GPC6: variants seen among roughly 807,000 people sequenced by gnomAD.
GPC6 encodes glypican-6.
Under a neutral mutation model 55.2 loss-of-function variants are expected in GPC6, and 14 were observed. That is an observed-to-expected ratio of 0.25 (90% CI 0.17 to 0.40). GPC6 has a LOEUF of 0.40. GPC6 is among the 10% of genes least tolerant of loss of function. The pLI is 1.00. For missense variants in GPC6, 641 were observed against 708.5 expected (o/e 0.90, Z 1.08); for synonymous variants, 278 against 259.6 (o/e 1.07, Z -0.68).
chr13:93,954,946 C>T (rs1039825629), intron 3 of GPC6, among the ~76,000 whole-genome samples: 1 of 152,054 alleles, frequency 6.6e-6, no homozygotes, highest in Non-Finnish European at 1.5e-5. Context: ...TGAGTTGTCC[C>T]CATAACAACC....
intron 6 of GPC6, among the ~76,000 whole-genome samples, chr13:94,333,862 T>C (rs904902563): frequency 3.3e-5 from 5 of 152,162 alleles, no homozygotes; most frequent in African/African-American, 1.2e-4. Context: ...AAATGCATGA[T>C]GGAGAAGCCT....
rs78913724 is a variant in GPC6, at chr13:93,316,304, A to G, written c.160+88688A>G. ...GTCCAGATATACTAATAAAATCGACATTCATGGCTAGTTTTCCTAATGTGT... is the reference window on the plus strand; with the variant it reads ...GTCCAGATATACTAATAAAATCGACGTTCATGGCTAGTTTTCCTAATGTGT... On this transcript the variant is annotated intron_variant, in intron 1 of 8. Transcript: ENST00000377047. 5.5e-3 allele frequency among the ~76,000 whole-genome samples: 836 copies of G among 152,180 alleles called. 6 individuals carry two copies. Among genetic ancestry groups the G allele is most frequent in the Non-Finnish European group, 7.4e-3 (501 of 67,952 alleles).
intron 3 of GPC6, among the ~76,000 whole-genome samples, chr13:93,922,204 T>C (rs1458537661): frequency 6.6e-6 from 1 of 152,138 alleles, no homozygotes; most frequent in Non-Finnish European, 1.5e-5. Flanking sequence ...CTTGGCCCAA[T>C]AAACAAATGC....
At chr13:93,773,874 C>T (rs1885378928) in intron 2 of GPC6, among the ~76,000 whole-genome samples, 1 of 152,196 alleles carries the variant, frequency 6.6e-6, no homozygotes, top group Non-Finnish European at 1.5e-5. Flanking sequence ...AGCAGAGCAA[C>T]TTAAAATCTT....
chr13:93,623,455 CTTTTT>C (rs567830011), intron 2 of GPC6, among the ~76,000 whole-genome samples: 10 of 116,170 alleles, frequency 8.6e-5, no homozygotes, highest in Admixed American at 7.7e-4. Flanking sequence ...CTTTTCTTTT[CTTTTT>C]TTTTTTTTTT....
chr13:94,223,249 G>A (rs1890442039), intron 4 of GPC6, among the ~76,000 whole-genome samples: 1 of 152,054 alleles, frequency 6.6e-6, no homozygotes. Context: ...AGGATATCCT[G>A]TTTTATTAAA....
At chr13:93,758,890 A>G (rs1884867065) in intron 2 of GPC6, among the ~76,000 whole-genome samples, 1 of 152,122 alleles carries the variant, frequency 6.6e-6, no homozygotes, top group African/African-American at 2.4e-5. Flanking sequence ...GGGGCTCTCT[A>G]TGATCTATCT....
At chr13:94,380,286 A>G (rs1228932778) in intron 6 of GPC6, among the ~76,000 whole-genome samples, 1 of 152,212 alleles carries the variant, frequency 6.6e-6, no homozygotes, top group African/African-American at 2.4e-5. Context: ...AATATAAAAC[A>G]TGTATTTCTT....
intron 6 of GPC6, among the ~76,000 whole-genome samples, chr13:94,358,469 T>C (rs1878906482): frequency 6.6e-6 from 1 of 152,064 alleles, no homozygotes; most frequent in South Asian, 2.1e-4. Flanking sequence ...AAAAGATGGA[T>C]ATAAAAAGCT....
chr13:94,084,051 C>T (rs2138801266), intron 4 of GPC6, among the ~76,000 whole-genome samples: 1 of 152,318 alleles, frequency 6.6e-6, no homozygotes, highest in South Asian at 2.1e-4. Flanking sequence ...TTACTATGTA[C>T]TGGCTATAGT....
chr13:93,400,221 A>C (rs1204859440), intron 1 of GPC6, among the ~76,000 whole-genome samples: 1 of 151,158 alleles, frequency 6.6e-6, no homozygotes, highest in Non-Finnish European at 1.5e-5. Context: ...CTTCCTTTTT[A>C]CCGTCTTCCT....
intron 4 of GPC6, among the ~76,000 whole-genome samples, chr13:94,195,484 T>G (rs78968570): frequency 0.02 from 3,018 of 152,308 alleles, 42 homozygotes; most frequent in Non-Finnish European, 0.032. Context: ...AACAGTTGAT[T>G]TTCCTTACAT....
intron 4 of GPC6, among the ~76,000 whole-genome samples, chr13:94,038,364 G>C (rs1883413482): frequency 6.6e-6 from 1 of 151,768 alleles, no homozygotes; most frequent in African/African-American, 2.4e-5. Flanking sequence ...CTTAGACCTA[G>C]ACTAGGCACA....
intron 3 of GPC6, among the ~76,000 whole-genome samples, chr13:93,957,441 G>A (rs1374411658): frequency 2.0e-5 from 3 of 152,068 alleles, no homozygotes; most frequent in Admixed American, 1.3e-4. Flanking sequence ...TGTGCCCAAT[G>A]TTTAGCTCCC....
chr13:93,515,548 G>A (rs1217513327), intron 1 of GPC6, among the ~76,000 whole-genome samples: 2 of 152,106 alleles, frequency 1.3e-5, no homozygotes, highest in East Asian at 1.9e-4. Context: ...TAAATTTTGT[G>A]AGCCTTATGT....
intron 1 of GPC6, among the ~76,000 whole-genome samples, chr13:93,291,739 C>T (rs1241348282): frequency 6.6e-6 from 1 of 151,980 alleles, no homozygotes; most frequent in Non-Finnish European, 1.5e-5. Context: ...ATTTTCTGGT[C>T]AAGTTAAAAC....
intron 2 of GPC6, among the ~76,000 whole-genome samples, chr13:93,725,457 T>C (rs947371325): frequency 6.6e-6 from 1 of 152,032 alleles, no homozygotes; most frequent in Non-Finnish European, 1.5e-5. Flanking sequence ...AAAAGAATGC[T>C]TCTCAGACCC....
chr13:94,027,802 C>G lies in GPC6; in HGVS notation c.785C>G (p.Thr262Ser). 6.2e-7 allele frequency: 1 copy of G among 1,613,762 alleles called. No homozygotes were observed. Among genetic ancestry groups the G allele is most frequent in the Non-Finnish European group, 8.5e-7 (1 of 1,179,684 alleles). The change falls in exon 4 of 9, where the codon ACT (threonine) becomes AGT (serine). Residue 262 changes from threonine (T) to serine (S), a missense_variant. Transcript: ENST00000377047. ...TGCCCATACTGTCGGGGGCTTCCCA[C>G]TGTGAGGCCCTGCAACAACTACTGT... ...LYCPYCRGLPTVRPCNNYCLN... is the reference protein window; with the variant it reads ...LYCPYCRGLPSVRPCNNYCLN...
chr13:94,161,677 A>G (rs1340302635), intron 4 of GPC6, among the ~76,000 whole-genome samples: 1 of 152,204 alleles, frequency 6.6e-6, no homozygotes, highest in Non-Finnish European at 1.5e-5. Flanking sequence ...CAGCAGTACT[A>G]TCTAAGGAGC....
Sources: gnomAD v4.1 joint callset for allele counts (sites outside exome capture counted in the v4.1 genomes callset) on GRCh38, gnomAD v4.1.1 for gene constraint, MANE v1.5 for transcripts, NCBI Gene and HGNC (gene_info 2026-07-23, HGNC 2026-07-21) for gene names.